Variants in SH2D3C observed in about 807,000 individuals in gnomAD.
SH2D3C encodes the protein SH2 domain-containing protein 3C.
In SH2D3C, 25 loss-of-function variants were observed where a neutral mutation model predicts 75.2. The ratio of observed to expected loss-of-function variants is 0.33; its 90% CI spans 0.24 to 0.46. The LOEUF (loss-of-function observed/expected upper bound fraction) is 0.46. SH2D3C is among the 20% of genes least tolerant of loss of function. The pLI, the probability that SH2D3C is intolerant of heterozygous loss-of-function variation, is 1.00. For missense variants in SH2D3C, 933 were observed against 1,165.3 expected (o/e 0.80, Z 2.90); for synonymous variants, 450 against 473.7 (o/e 0.95, Z 0.65).
At chr9:127,761,719 G>T in intron 2 of SH2D3C, 69 bp from the exon 3 acceptor site, 1 of 1,377,172 alleles carries the variant, frequency 7.3e-7, no homozygotes, top group Non-Finnish European at 1.0e-6. Flanking sequence ...TCTCTTGCCT[G>T]CCTGCCTGGG....
At chr9:127,769,104 C>A (rs1845687375) in intron 2 of SH2D3C, among the ~76,000 whole-genome samples, 3 of 152,182 alleles carry the variant, frequency 2.0e-5, no homozygotes, top group Admixed American at 6.5e-5. Context: ...TCTTCTGTCT[C>A]CCCTGCCCTG....
At chr9:127,745,242 A>G (rs773817332) in intron 6 of SH2D3C, 143 bp from the exon 7 acceptor site, 5 of 620,838 alleles carry the variant, frequency 8.1e-6, no homozygotes, top group Non-Finnish European at 1.2e-5. Context: ...ATCACCAGAG[A>G]CCAGGGCCGA....
chr9:127,747,117 C>T (rs756279197), intron 6 of SH2D3C, 30 bp downstream of exon 6: 5 of 1,605,428 alleles, frequency 3.1e-6, no homozygotes, highest in Admixed American at 3.5e-5. Context: ...AGATTCCCTC[C>T]ACCTGCTCCA....
At position 127,738,954 on chromosome 9, in the gene SH2D3C, G is replaced by A. The variant is rs755533879; in HGVS notation, c.2408-33C>T. ...GTTGGGGCATAGGGTCAGGGCAGAG[G>A]CTGGGGTTCCTGTCCAGAGCCCTAG... On this transcript the variant is annotated intron_variant, in intron 11 of 11. Transcript: ENST00000314830. The surrounding 1 kb of genome is among the most constrained non-coding windows in gnomAD (Gnocchi z 5.0). The A allele has an allele frequency of 8.0e-6, 12 of 1,504,446 alleles. No homozygotes were observed. In the South Asian group the frequency reaches 1.1e-4, roughly 14 times the overall value. The allele number at this position is 1,504,446 out of a possible 1,614,324, so 93.2% of individuals were successfully genotyped here.
chr9:127,774,549 C>T lies in SH2D3C; in HGVS notation c.38-82G>A, dbSNP rs1845782989. ...ATAATGAACAATTCCTGCAGTTTCA[C>T]TCGGTGAGGGGCTGAAGAGGGCTGG... On this transcript the variant is annotated intron_variant, in intron 1 of 11. Transcript: ENST00000314830. The surrounding 1 kb of genome is among the most constrained non-coding windows in gnomAD (Gnocchi z 4.3). 1.3e-6 allele frequency: 1 copy of T among 783,016 alleles called. No individual in the cohort carries two copies. The highest frequency in any genetic ancestry group is 2.2e-6 in the Non-Finnish European group (1 of 458,192). The allele number at this position is 783,016 out of a possible 1,614,324, so 48.5% of individuals were successfully genotyped here.
At chr9:127,778,525 G>A (rs1298833601) in intron 1 of SH2D3C, 66 bp downstream of exon 1, 6 of 1,138,646 alleles carry the variant, frequency 5.3e-6, no homozygotes, top group Non-Finnish European at 8.0e-6. Context: ...TGAAGAAACA[G>A]ATGCAGAGAG....
In SH2D3C at chr9:127,754,804, C is replaced by G. The variant is rs1464160575; in HGVS notation, c.556-3504G>C. On this transcript the variant is annotated intron_variant, in intron 3 of 11. Transcript: ENST00000314830. The surrounding 1 kb of genome is among the most constrained non-coding windows in gnomAD (Gnocchi z 4.4). ...TCTCCCAGTCCCCCCTGCCCCAGCT[C>G]TCTCCCTCCTGCGGAGGAGGCAGAA... 2 of 482,320 alleles carry G rather than the reference C, an allele frequency of 4.1e-6. No individual in the cohort carries two copies. Among genetic ancestry groups the G allele is most frequent in the Non-Finnish European group, 8.5e-6 (2 of 234,948 alleles). The allele number at this position is 482,320 out of a possible 1,614,324, so 29.9% of individuals were successfully genotyped here. A position where few individuals can be genotyped will look rare whatever the true frequency, so the allele number is the denominator to read the frequency against.
In SH2D3C at chr9:127,749,613, AGT is replaced by A; in HGVS notation, c.735_736del (p.Leu246HisfsTer40). 6.3e-7 allele frequency: 1 copy of A among 1,592,380 alleles called. No individual in the cohort carries two copies. The highest frequency in any genetic ancestry group is 8.5e-7 in the Non-Finnish European group (1 of 1,170,354). On this transcript the variant is annotated frameshift_variant, in exon 5 of 12. Coordinates refer to ENST00000314830, the MANE Select transcript of SH2D3C (RefSeq NM_170600.3). LOFTEE classifies it high-confidence loss of function. The surrounding 1 kb of genome is among the most constrained non-coding windows in gnomAD (Gnocchi z 5.9). ...GAGCACATAGTCGCCCAGGCTGGTG[AGT>A]GAGTCCCGGATGAGGAAGTCGCCGT...
intron 2 of SH2D3C, among the ~76,000 whole-genome samples, chr9:127,765,429 T>TA (rs1845615542): frequency 6.6e-6 from 1 of 152,150 alleles, no homozygotes; most frequent in South Asian, 2.1e-4. Flanking sequence ...AGTAAATATA[T>TA]TTTTTTGAAT....
rs1478012918 is a variant in SH2D3C, at chr9:127,751,122, G to A, written c.684+50C>T. The A allele has an allele frequency of 2.5e-6, 4 of 1,602,218 alleles. No homozygotes were observed. Among genetic ancestry groups the A allele is most frequent in the African/African-American group, 1.3e-5 (1 of 74,616 alleles). ...GCAGCCAGGGCTGGGGCTGGCCAAGGCAGTGGGTGGGAGGGTCCCGGGTTG... is the reference window on the plus strand; with the variant it reads ...GCAGCCAGGGCTGGGGCTGGCCAAGACAGTGGGTGGGAGGGTCCCGGGTTG... On this transcript the variant is annotated intron_variant, in intron 4 of 11. Coordinates refer to ENST00000314830, the MANE Select transcript of SH2D3C (RefSeq NM_170600.3). The surrounding 1 kb of genome is among the most constrained non-coding windows in gnomAD (Gnocchi z 4.1).
chr9:127,754,468 G>A lies in SH2D3C; in HGVS notation c.556-3168C>T, dbSNP rs964824241. Among the ~76,000 whole-genome samples, 1 of 152,104 alleles carries A rather than the reference G, an allele frequency of 6.6e-6. No individual in the cohort carries two copies. The highest frequency in any genetic ancestry group is 2.4e-5 in the African/African-American group (1 of 41,432). On this transcript the variant is annotated intron_variant, in intron 3 of 11. Transcript: ENST00000314830. This position sits in a 1 kb window ranked among gnomAD's most constrained non-coding sequence, Gnocchi z 4.4. ...CAAAGGATGCTCCGCAGAGAGGCGG[G>A]GTCCGGGTCCTCCCCTCCACCCCCT...
In SH2D3C at chr9:127,744,637, C is replaced by A. The variant is rs141136835; in HGVS notation, c.1727G>T (p.Arg576Leu). 22 of 1,614,004 alleles carry A rather than the reference C, an allele frequency of 1.4e-5. No homozygotes were observed. Among genetic ancestry groups the A allele is most frequent in the South Asian group, 5.5e-5 (5 of 91,092 alleles). ...DNRPLEVGLL[R>L]KVKELLAEVD... The stretch of plus-strand genomic sequence containing the variant: ...TTCTGCCAGCAGCTCCTTGACCTTG[C>A]GCAGAAGGCCCACCTCCAGTGGCCG... Residue 576 changes from arginine (R) to leucine (L), a missense_variant, in exon 7 of 12, where the codon CGC (arginine) becomes CTC (leucine). By Grantham distance (102) the Arg-to-Leu change is moderately radical (BLOSUM62 -2). Transcript: ENST00000314830.
At position 127,751,978 on chromosome 9, in the gene SH2D3C, C is replaced by T. The variant is rs1028921639; in HGVS notation, c.556-678G>A. Among the ~76,000 whole-genome samples the T allele has an allele frequency of 1.3e-5, 2 of 152,172 alleles. No individual in the cohort carries two copies. The highest frequency in any genetic ancestry group is 4.8e-5 in the African/African-American group (2 of 41,436). ...CATCTGCATTGCCCCTTACAATTTC[C>T]AAGGCCATTTCTCCCTTGAAATCCT... On this transcript the variant is annotated intron_variant, in intron 3 of 11. Coordinates refer to ENST00000314830, the MANE Select transcript of SH2D3C (RefSeq NM_170600.3). The surrounding 1 kb of genome is among the most constrained non-coding windows in gnomAD (Gnocchi z 4.1).
intron 2 of SH2D3C, among the ~76,000 whole-genome samples, chr9:127,770,076 G>A (rs553481439): frequency 4.1e-4 from 63 of 152,274 alleles, no homozygotes; most frequent in African/African-American, 1.5e-3. Flanking sequence ...AGGAGGGAGG[G>A]TGCCTCTCTG....
intron 3 of SH2D3C, among the ~76,000 whole-genome samples, chr9:127,760,746 A>G (rs1205528646): frequency 6.6e-6 from 1 of 152,186 alleles, no homozygotes; most frequent in Non-Finnish European, 1.5e-5. Context: ...TCTCATGTAA[A>G]GAATGCCTCT....
intron 2 of SH2D3C, among the ~76,000 whole-genome samples, chr9:127,773,052 T>G (rs537915575): frequency 6.6e-6 from 1 of 152,164 alleles, no homozygotes; most frequent in African/African-American, 2.4e-5. Flanking sequence ...CAGGCTGTTT[T>G]CAAACTCCTA....
rs1588486258 is a variant in SH2D3C at position 127,739,515 on chromosome 9, A to AAAAAGAAAAAAG, written c.2407+155_2407+166dup. ...ACAGTGTGAGACTCCATCTCAAAAA[A>AAAAAGAAAAAAG]AAAAGAAAAAAGAAAAGAAAAGACA... On this transcript the variant is annotated intron_variant, in intron 11 of 11. Transcript: ENST00000314830. The surrounding 1 kb of genome is among the most constrained non-coding windows in gnomAD (Gnocchi z 4.3). Among the ~76,000 whole-genome samples, 1 of 152,106 alleles carries AAAAAGAAAAAAG rather than the reference A, an allele frequency of 6.6e-6. No homozygotes were observed. Among genetic ancestry groups the AAAAAGAAAAAAG allele is most frequent in the African/African-American group, 2.4e-5 (1 of 41,418 alleles).
rs764088170 is a variant in SH2D3C, at chr9:127,751,218, G to A, written c.638C>T (p.Thr213Met). 1.1e-5 allele frequency: 17 copies of A among 1,613,980 alleles called. No homozygotes were observed. The highest frequency in any genetic ancestry group is 3.3e-5 in the Admixed American group (2 of 60,004). The change falls in exon 4 of 12, where the codon ACG (threonine) becomes ATG (methionine). Residue 213 changes from threonine (T) to methionine (M), a missense_variant. Physicochemically the swap from Thr to Met is moderately conservative, Grantham distance 81 (BLOSUM62 -1). Transcript: ENST00000314830. The surrounding 1 kb of genome is among the most constrained non-coding windows in gnomAD (Gnocchi z 4.1). ...ELEEELKLSS[T>M]DLRSHAWYHG... ...GTACCAGGCATGGCTGCGGAGATCC[G>A]TGCTGCTGAGTTTGAGCTCCTCCTC... is the stretch of plus-strand genomic sequence containing the variant.
chr9:127,741,748 G>T, intron 9 of SH2D3C, 40 bp downstream of exon 9: 1 of 1,600,728 alleles, frequency 6.2e-7, no homozygotes, highest in Non-Finnish European at 8.5e-7. Context: ...GGCTCTTCCA[G>T]ACAGTCTACC....
Sources: gnomAD v4.1 joint callset for allele counts (sites outside exome capture counted in the v4.1 genomes callset) on GRCh38, gnomAD v4.1.1 for gene constraint, Gnocchi (gnomAD v3.1) non-coding constraint, MANE v1.5 for transcripts, NCBI Gene and HGNC (gene_info 2026-07-23, HGNC 2026-07-21) for gene names.